The following CENPT variants were observed in gnomAD, a reference collection of about 807,000 sequenced individuals.
CENPT encodes centromere protein T.
CENPT carries 42 observed loss-of-function variants against 59.7 expected under a neutral mutation model. That is an observed-to-expected ratio of 0.70 (90% CI 0.55 to 0.91). CENPT has a LOEUF of 0.91. CENPT is among the 40% of genes least tolerant of loss of function. The pLI is 0.00. For missense variants in CENPT, 716 were observed against 713.4 expected, an observed-to-expected ratio of 1.00 and a Z score of -0.04; for synonymous variants, 295 against 289.6, an observed-to-expected ratio of 1.02 and a Z score of -0.19.
chr16:67,828,402 G>A lies in CENPT; in HGVS notation c.1563-12C>T, dbSNP rs375353200. 3.7e-6 allele frequency: 6 copies of A among 1,611,696 alleles called. No homozygotes were observed. The highest frequency in any genetic ancestry group is 2.7e-5 in the African/African-American group (2 of 74,870). The stretch of plus-strand genomic sequence containing the variant: ...TGACCAGGCCCTGCCTGCAGTGGAG[G>A]AAGAGAAGGGACAGGCAGAATCAGC... On this transcript the variant is annotated splice_polypyrimidine_tract_variant and intron_variant, in intron 15 of 15. Coordinates refer to ENST00000562787, the MANE Select transcript of CENPT (RefSeq NM_025082.4).
At chr16:67,833,473 C>G (rs1177087873) in intron 4 of CENPT, among the ~76,000 whole-genome samples, 1 of 152,234 alleles carries the variant, frequency 6.6e-6, no homozygotes, top group Non-Finnish European at 1.5e-5. Flanking sequence ...CTCTGTGGTC[C>G]CGAGGGCTGG....
chr16:67,828,420 G>C (rs777313944), intron 15 of CENPT, 30 bp from the exon 16 acceptor site: 1 of 1,613,284 alleles, frequency 6.2e-7, no homozygotes, highest in Non-Finnish European at 8.5e-7. Flanking sequence ...GGGACAGGCA[G>C]AATCAGCACC....
intron 1 of CENPT, among the ~76,000 whole-genome samples, chr16:67,838,909 A>G (rs2057746266): frequency 1.3e-5 from 2 of 150,322 alleles, no homozygotes; most frequent in African/African-American, 4.9e-5. Flanking sequence ...CCCTGGCCAC[A>G]GTGTGAGTGC....
At chr16:67,830,750 C>T in intron 10 of CENPT, 1 of 583,388 alleles carries the variant, frequency 1.7e-6, no homozygotes, top group Non-Finnish European at 3.0e-6. Context: ...GCCCTCCTTG[C>T]TTACCTTCCT....
intron 1 of CENPT, chr16:67,841,561 C>CG (rs1478503197): frequency 1.3e-5 from 2 of 151,944 alleles, no homozygotes; most frequent in Admixed American, 6.6e-5. Context: ...TCCTTTGGAG[C>CG]GATTACTATT....
At chr16:67,846,533 CGGCCCAGG>C (rs1219645781) in intron 1 of CENPT, among the ~76,000 whole-genome samples, 1 of 152,368 alleles carries the variant, frequency 6.6e-6, no homozygotes, top group African/African-American at 2.4e-5. Context: ...TGAGCGGAAA[CGGCCCAGG>C]GGCCCAGGGA....
chr16:67,833,048 TA>T (rs1476968781), intron 4 of CENPT, among the ~76,000 whole-genome samples: 1 of 152,194 alleles, frequency 6.6e-6, no homozygotes, highest in Non-Finnish European at 1.5e-5. Context: ...GTAAAACCTA[TA>T]ATGAATGGCT....
At chr16:67,837,934 T>G (rs1022922683) in intron 1 of CENPT, among the ~76,000 whole-genome samples, 1 of 152,130 alleles carries the variant, frequency 6.6e-6, no homozygotes, top group African/African-American at 2.4e-5. Flanking sequence ...GTGGAGGAAT[T>G]TAAGCAGAGG....
At position 67,831,576 on chromosome 16, in the gene CENPT, C is replaced by T; in HGVS notation, c.560G>A (p.Arg187Lys). Residue 187 changes from arginine (R) to lysine (K), a missense_variant and splice_region_variant, in exon 9 of 16, where the codon AGA becomes AAA. Coordinates refer to ENST00000562787, the MANE Select transcript of CENPT (RefSeq NM_025082.4). ...QGNADASSLT[R>K]SLNLTFATPL... ...GAACAGGAAACACCCAGAGCAGCAC[C>T]TGGTGAGGGAAGAGGCATCAGCATT... 6.2e-7 allele frequency: 1 copy of T among 1,614,160 alleles called. No individual in the cohort carries two copies. Among genetic ancestry groups the T allele is most frequent in the Non-Finnish European group, 8.5e-7 (1 of 1,180,000 alleles).
intron 1 of CENPT, among the ~76,000 whole-genome samples, chr16:67,845,945 T>G (rs1310230794): frequency 6.6e-6 from 1 of 152,240 alleles, no homozygotes; most frequent in Non-Finnish European, 1.5e-5. Context: ...ACAGGAGTAC[T>G]GAGAGACCTC....
rs59819720 is a variant in CENPT at position 67,833,734 on chromosome 16, G to A, written c.110+16C>T. 5 of 1,469,540 alleles carry A rather than the reference G, an allele frequency of 3.4e-6. No individual in the cohort carries two copies. The highest frequency in any genetic ancestry group is 1.4e-5 in the African/African-American group (1 of 69,180). The allele number at this position is 1,469,540 out of a possible 1,614,324, so 91.0% of individuals were successfully genotyped here. A position where few individuals can be genotyped will look rare whatever the true frequency, so the allele number is the denominator to read the frequency against. On this transcript the variant is annotated intron_variant, in intron 4 of 15. Transcript: ENST00000562787. ...CCCTCTAGTTGCTCAAGTACTCGGG[G>A]AGCCCCCTCACATACCCAGCCCGAG...
chr16:67,845,753 A>T (rs962923911), intron 1 of CENPT, among the ~76,000 whole-genome samples: 3 of 152,232 alleles, frequency 2.0e-5, no homozygotes, highest in Non-Finnish European at 4.4e-5. Flanking sequence ...GAGATCCCAG[A>T]TGCAGATGTA....
intron 1 of CENPT, among the ~76,000 whole-genome samples, chr16:67,844,353 C>T (rs1401692293): frequency 2.6e-5 from 4 of 152,168 alleles, no homozygotes; most frequent in Admixed American, 2.0e-4. Flanking sequence ...CACATGGATC[C>T]TGGCCTTATA....
Position 67,829,762 on chromosome 16 carries a change from T to G in CENPT, c.1186+3A>C. 6.2e-7 allele frequency: 1 copy of G among 1,613,536 alleles called. No homozygotes were observed. On this transcript the variant is annotated splice_donor_region_variant and intron_variant, in intron 12 of 15. Coordinates refer to ENST00000562787, the MANE Select transcript of CENPT (RefSeq NM_025082.4). ...CAGTCACTCCCTGCACTGGGCCTCTTACCTGCCCTGCCAGAGGCATCCTCA... is the reference window on the plus strand; with the variant it reads ...CAGTCACTCCCTGCACTGGGCCTCTGACCTGCCCTGCCAGAGGCATCCTCA...
chr16:67,846,960 C>G (rs911945091), intron 1 of CENPT: 1 of 152,564 alleles, frequency 6.6e-6, no homozygotes, highest in South Asian at 2.1e-4. Flanking sequence ...GCCGCTGCCG[C>G]TGCCGCCATC....
chr16:67,846,932 C>T (rs941969026), intron 1 of CENPT: 1 of 152,514 alleles, frequency 6.6e-6, no homozygotes. Context: ...GACAGTCGGC[C>T]GCAGACCGCG....
Position 67,828,650 on chromosome 16 carries a change from A to T in CENPT, c.1457+17T>A. 6.2e-7 allele frequency: 1 copy of T among 1,614,120 alleles called. No homozygotes were observed. Among genetic ancestry groups the T allele is most frequent in the Non-Finnish European group, 8.5e-7 (1 of 1,179,994 alleles). ...CCCGAGGGGTTCCTCTCCCTACCCC[A>T]TGTGCCCAGGACTCACCACTTCTCC... On this transcript the variant is annotated intron_variant, in intron 14 of 15. Transcript: ENST00000562787.
At position 67,831,348 on chromosome 16, in the gene CENPT, G is replaced by A; in HGVS notation, c.571C>T (p.Leu191=). The change falls in exon 10 of 16, where the codon CTG becomes TTG. Residue 191 remains leucine, a synonymous_variant. Transcript: ENST00000562787. ...DASSLTRSLN[L]TFATPLQPQS... ...GGCTGAAGAGGTGTGGCAAAGGTCA[G>A]GTTGAGGGATCTGGTGAGGTGGGGA... 1 of 1,613,750 alleles carries A rather than the reference G, an allele frequency of 6.2e-7. No homozygotes were observed. The highest frequency in any genetic ancestry group is 8.5e-7 in the Non-Finnish European group (1 of 1,179,704).
rs772893427 is a variant in CENPT, at chr16:67,841,193, CAAAAAAAAAAAAAAAAAA to C, written c.-491-5553_-491-5536del. Among the ~76,000 whole-genome samples, 12 of 27,572 alleles carry C rather than the reference CAAAAAAAAAAAAAAAAAA, an allele frequency of 4.4e-4. No homozygotes were observed. The East Asian group carries it at 0.015, about 35-fold the overall frequency. 18.1% of individuals were successfully genotyped at this position (27,572 alleles called of 152,430 possible). On this transcript the variant is annotated intron_variant, in intron 1 of 15. Coordinates refer to ENST00000562787, the MANE Select transcript of CENPT (RefSeq NM_025082.4). ...CTGGCGACACAGTGAGACTCCTTTACAAAAAAAAAAAAAAAAAAAAAAAAAAAAGATTCCCTCAAATAA... is the reference window on the plus strand; with the variant it reads ...CTGGCGACACAGTGAGACTCCTTTACAAAAAAAAAAGATTCCCTCAAATAA...
Sources: gnomAD v4.1 joint callset for allele counts (sites outside exome capture counted in the v4.1 genomes callset) on GRCh38, gnomAD v4.1.1 for gene constraint, MANE v1.5 for transcripts, NCBI Gene and HGNC (gene_info 2026-07-23, HGNC 2026-07-21) for gene names.